FKBP9: variants seen among roughly 807,000 people sequenced by gnomAD.
FKBP9 encodes FKBP prolyl isomerase 9.
A neutral mutation model predicts 55.6 loss-of-function variants in FKBP9; 27 were observed. The ratio of observed to expected loss-of-function variants is 0.49; its 90% CI spans 0.36 to 0.67. FKBP9 has a LOEUF of 0.67. Ranked by LOEUF, FKBP9 falls within the 30% of genes least tolerant of loss-of-function variation. FKBP9 has a pLI of 0.00. For synonymous variants in FKBP9, 267 were observed against 296.5 expected (o/e 0.90, Z 1.02); for missense variants, 539 against 742.8 (o/e 0.73, Z 3.19).
chr7:33,006,204 G>A lies in FKBP9; in HGVS notation c.*853G>A, dbSNP rs1488353873. The A allele has an allele frequency of 1.7e-5, 3 of 181,710 alleles. No homozygotes were observed. Among genetic ancestry groups the A allele is most frequent in the East Asian group, 8.9e-5 (1 of 11,204 alleles). The allele number at this position is 181,710 out of a possible 1,614,324, so 11.3% of individuals were successfully genotyped here. A position where few individuals can be genotyped will look rare whatever the true frequency, so the allele number is the denominator to read the frequency against. ...ACTGTCTCGGCTCACTGCAGCCTCC[G>A]CCTCCCGTATTCAAGCGATTCTCCT... On this transcript the variant is annotated 3_prime_UTR_variant, in exon 10 of 10. Transcript: ENST00000242209.
In FKBP9 at chr7:32,974,602, C is replaced by T. The variant is rs762814035; in HGVS notation, c.222-15C>T. 2.5e-6 allele frequency: 4 copies of T among 1,609,728 alleles called. No individual in the cohort carries two copies. The highest frequency in any genetic ancestry group is 3.4e-6 in the Non-Finnish European group (4 of 1,177,574). On this transcript the variant is annotated splice_polypyrimidine_tract_variant and intron_variant, in intron 1 of 9. Coordinates refer to ENST00000242209, the MANE Select transcript of FKBP9 (RefSeq NM_007270.5). ...TATACTTTTCTTTCTCTTTCCCTAC[C>T]CTTTGGGCCTTCAGCTATGACAGAG... is the stretch of plus-strand genomic sequence containing the variant.
intron 6 of FKBP9, 114 bp from the exon 7 acceptor site, chr7:32,996,049 G>C: frequency 1.3e-6 from 1 of 793,398 alleles, no homozygotes; most frequent in Non-Finnish European, 2.1e-6. Context: ...TCTGTATCTG[G>C]GTGCCCGTTT....
rs1785026358 is a variant in FKBP9, at chr7:33,005,737, T to A, written c.*386T>A. 4.2e-6 allele frequency: 1 copy of A among 236,316 alleles called. No homozygotes were observed. Among genetic ancestry groups the A allele is most frequent in the Non-Finnish European group, 8.3e-6 (1 of 120,358 alleles). The allele number at this position is 236,316 out of a possible 1,614,324, so 14.6% of individuals were successfully genotyped here. Reference sequence around the variant, plus strand: ...GTCCAGGGTATCTATATAAAGAGGGTTAAATTTTTTTTTAACTTGCTGGTT... The same window carrying A: ...GTCCAGGGTATCTATATAAAGAGGGATAAATTTTTTTTTAACTTGCTGGTT... On this transcript the variant is annotated 3_prime_UTR_variant, in exon 10 of 10. Coordinates refer to ENST00000242209, the MANE Select transcript of FKBP9 (RefSeq NM_007270.5).
intron 9 of FKBP9, among the ~76,000 whole-genome samples, chr7:33,004,170 C>T (rs888696655): frequency 2.0e-4 from 30 of 152,042 alleles, no homozygotes; most frequent in Non-Finnish European, 3.8e-4. Context: ...ACGCTTCTTA[C>T]CACCCCCACC....
At chr7:32,964,004 C>T (rs1037913356) in intron 1 of FKBP9, among the ~76,000 whole-genome samples, 1 of 152,256 alleles carries the variant, frequency 6.6e-6, no homozygotes, top group Non-Finnish European at 1.5e-5. Flanking sequence ...AGCCAGGATG[C>T]AGTCAGGGGG....
chr7:32,976,991 A>C (rs1311849234), intron 4 of FKBP9, among the ~76,000 whole-genome samples: 1 of 152,230 alleles, frequency 6.6e-6, no homozygotes, highest in Non-Finnish European at 1.5e-5. Flanking sequence ...ATCCAGGTAG[A>C]AATTTAGCCA....
At chr7:32,962,055 G>C (rs1784036687) in intron 1 of FKBP9, among the ~76,000 whole-genome samples, 1 of 151,990 alleles carries the variant, frequency 6.6e-6, no homozygotes, top group Admixed American at 6.6e-5. Flanking sequence ...TTCCTTTCAT[G>C]AAACTGGTCC....
chr7:32,992,816 C>T (rs1279356594), intron 6 of FKBP9: 1 of 228,120 alleles, frequency 4.4e-6, no homozygotes, highest in Non-Finnish European at 8.7e-6. Context: ...CAGAAAGAAA[C>T]ACAAACAAAA....
In FKBP9 at chr7:33,005,612, C is replaced by T; in HGVS notation, c.*261C>T. The stretch of plus-strand genomic sequence containing the variant: ...TCCAGTATTGAAAAGGCTGCACTGC[C>T]AACCATGATTTGTGAGCCTTCTGGG... On this transcript the variant is annotated 3_prime_UTR_variant, in exon 10 of 10. Coordinates refer to ENST00000242209, the MANE Select transcript of FKBP9 (RefSeq NM_007270.5). The T allele has an allele frequency of 5.2e-6, 2 of 382,028 alleles. No homozygotes were observed. Among genetic ancestry groups the T allele is most frequent in the Admixed American group, 8.4e-5 (2 of 23,836 alleles). The allele number at this position is 382,028 out of a possible 1,614,324, so 23.7% of individuals were successfully genotyped here. A position where few individuals can be genotyped will look rare whatever the true frequency, so the allele number is the denominator to read the frequency against.
intron 4 of FKBP9, among the ~76,000 whole-genome samples, chr7:32,977,786 CATAT>C (rs55788075): frequency 0.033 from 4,554 of 139,146 alleles, 204 homozygotes; most frequent in East Asian, 0.18. Context: ...TTTCTATCTC[CATAT>C]ATATATATAT....
intron 1 of FKBP9, among the ~76,000 whole-genome samples, chr7:32,971,718 C>T (rs1784258308): frequency 6.6e-6 from 1 of 152,202 alleles, no homozygotes; most frequent in Non-Finnish European, 1.5e-5. Context: ...TTTCTATACA[C>T]CTCTAGGGAT....
chr7:32,957,747 C>T lies in FKBP9; in HGVS notation c.174C>T (p.Arg58=), dbSNP rs1783929288. Reference sequence around the variant, plus strand: ...CCGTGCGCAGCGGCGACTTCGTGCGCTACCACTACGTGGGGACGTTCCCCG... The same window carrying T: ...CCGTGCGCAGCGGCGACTTCGTGCGTTACCACTACGTGGGGACGTTCCCCG... The part of the protein sequence containing the change: ...PRTVRSGDFV[R]YHYVGTFPDG... The change falls in exon 1 of 10, where the codon CGC becomes CGT. Residue 58 remains arginine, a synonymous_variant. Transcript: ENST00000242209. 2.6e-6 allele frequency: 4 copies of T among 1,515,536 alleles called. No homozygotes were observed. Among genetic ancestry groups the T allele is most frequent in the Non-Finnish European group, 3.5e-6 (4 of 1,136,010 alleles). The allele number at this position is 1,515,536 out of a possible 1,614,324, so 93.9% of individuals were successfully genotyped here. A position where few individuals can be genotyped will look rare whatever the true frequency, so the allele number is the denominator to read the frequency against.
chr7:32,971,850 C>T (rs187582620), intron 1 of FKBP9, among the ~76,000 whole-genome samples: 17 of 152,096 alleles, frequency 1.1e-4, no homozygotes, highest in Middle Eastern at 3.4e-3. Context: ...ATCATAGCAC[C>T]CACCTTGAAG....
chr7:32,973,697 T>G (rs991872718), intron 1 of FKBP9, among the ~76,000 whole-genome samples: 1 of 129,786 alleles, frequency 7.7e-6, no homozygotes, highest in Admixed American at 7.7e-5. Flanking sequence ...TTTTTTTTTT[T>G]TTTTTTTTTT....
chr7:32,979,556 C>T (rs1214630814), intron 4 of FKBP9: 62 of 1,550,378 alleles, frequency 4.0e-5, no homozygotes, highest in Non-Finnish European at 5.1e-5. Flanking sequence ...TCTGGGCCTA[C>T]TCCTTTGCAT....
At chr7:32,991,497 G>C in intron 6 of FKBP9, among the ~76,000 whole-genome samples, 1 of 152,232 alleles carries the variant, frequency 6.6e-6, no homozygotes, top group East Asian at 1.9e-4. Flanking sequence ...TGCTGAAACT[G>C]TCTTCTTAGT....
chr7:32,982,605 C>T (rs1259752143), intron 5 of FKBP9, among the ~76,000 whole-genome samples: 2 of 151,894 alleles, frequency 1.3e-5, no homozygotes, highest in Admixed American at 6.6e-5. Context: ...AAAAAAAAAT[C>T]ATTTAGTGCA....
chr7:32,964,236 GCACCC>G (rs1784089050), intron 1 of FKBP9, among the ~76,000 whole-genome samples: 1 of 152,236 alleles, frequency 6.6e-6, no homozygotes, highest in African/African-American at 2.4e-5. Context: ...AGCTGGCCAA[GCACCC>G]CTGGTGAAGA....
In FKBP9 at chr7:32,975,215, T is replaced by C. The variant is rs1784334479; in HGVS notation, c.401T>C (p.Phe134Ser). Residue 134 changes from phenylalanine to serine, a missense_variant, in exon 3 of 10, where the codon TTT (phenylalanine) becomes TCT (serine). Around this residue, in one of 4 missense-constraint regions of FKBP9, gnomAD observed 236 missense variants for 271.5 expected, o/e 0.87. Coordinates refer to ENST00000242209, the MANE Select transcript of FKBP9 (RefSeq NM_007270.5). ...ATCCCCCCCAATTCAGTGCTTCATT[T>C]TGATGTACTTCTGATGGATATTTGG... ...GVIPPNSVLH[F>S]DVLLMDIWNS... 2.5e-6 allele frequency: 4 copies of C among 1,613,726 alleles called. No individual in the cohort carries two copies. The highest frequency in any genetic ancestry group is 1.1e-5 in the South Asian group (1 of 91,076).
Sources: gnomAD v4.1 joint callset for allele counts (sites outside exome capture counted in the v4.1 genomes callset) on GRCh38, gnomAD v4.1.1 for gene constraint, gnomAD v4.1.1 regional missense constraint, MANE v1.5 for transcripts, NCBI Gene and HGNC (gene_info 2026-07-23, HGNC 2026-07-21) for gene names.